PPARG: variants seen among roughly 807,000 people sequenced by gnomAD.
PPARG encodes peroxisome proliferator-activated receptor gamma.
In PPARG, 17 loss-of-function variants were observed where a neutral mutation model predicts 39.2. The ratio of observed to expected loss-of-function variants is 0.43; its 90% confidence interval spans 0.30 to 0.65. The LOEUF is 0.65. Ranked by LOEUF, PPARG falls within the 30% of genes least tolerant of loss-of-function variation. The pLI is 0.13. For missense variants in PPARG, 406 were observed against 585.9 expected (o/e 0.69, Z 3.17); for synonymous variants, 223 against 215.7 (o/e 1.03, Z -0.30).
At chr3:12,346,853 C>G (rs1008516442) in intron 2 of PPARG, among the ~76,000 whole-genome samples, 7 of 151,926 alleles carry the variant, frequency 4.6e-5, no homozygotes, top group Non-Finnish European at 1.0e-4. Context: ...CCAGGCTGGT[C>G]TCCAACTCCT....
chr3:12,326,182 C>G (rs1324194287), intron 2 of PPARG, among the ~76,000 whole-genome samples: 1 of 152,098 alleles, frequency 6.6e-6, no homozygotes, highest in South Asian at 2.1e-4. Context: ...GCTACTCCAC[C>G]CCCTACCCCC....
intron 2 of PPARG, among the ~76,000 whole-genome samples, chr3:12,324,188 A>C (rs949057651): frequency 6.6e-6 from 1 of 152,132 alleles, no homozygotes; most frequent in Non-Finnish European, 1.5e-5. Flanking sequence ...CTGAGGCAGG[A>C]AAATCTCTTG....
chr3:12,368,189 TG>T (rs67404123), intron 2 of PPARG, among the ~76,000 whole-genome samples: 4,037 of 144,206 alleles, frequency 0.028, 300 homozygotes, highest in African/African-American at 0.094. Context: ...TTTTCTTTTT[TG>T]TTTTTTTTTC....
intron 2 of PPARG, among the ~76,000 whole-genome samples, chr3:12,366,388 A>G (rs1286148135): frequency 6.6e-6 from 1 of 151,902 alleles, no homozygotes; most frequent in Non-Finnish European, 1.5e-5. Context: ...TCATTTGCAA[A>G]CAAAGACAGT....
chr3:12,340,983 G>T (rs1234925221), intron 2 of PPARG, among the ~76,000 whole-genome samples: 4 of 152,084 alleles, frequency 2.6e-5, no homozygotes, highest in Non-Finnish European at 5.9e-5. Flanking sequence ...AGGAGTTCAA[G>T]ACCAGTCTGG....
intron 2 of PPARG, among the ~76,000 whole-genome samples, chr3:12,368,342 C>T (rs139800853): frequency 1.9e-4 from 29 of 151,866 alleles, no homozygotes; most frequent in East Asian, 7.7e-4. Flanking sequence ...CCACCACGCC[C>T]GGCTAATTTT....
intron 6 of PPARG, among the ~76,000 whole-genome samples, chr3:12,413,598 C>T (rs1334638731): frequency 1.3e-5 from 2 of 151,776 alleles, no homozygotes; most frequent in African/African-American, 4.8e-5. Context: ...CACCTGAGGC[C>T]AGGAGTTCAA....
At chr3:12,321,364 G>T (rs2047539389) in intron 2 of PPARG, among the ~76,000 whole-genome samples, 1 of 152,138 alleles carries the variant, frequency 6.6e-6, no homozygotes, top group South Asian at 2.1e-4. Flanking sequence ...TGGAATAAAA[G>T]TAATAGCAAC....
intron 3 of PPARG, 78 bp from the exon 4 acceptor site, chr3:12,381,244 A>G: frequency 7.5e-7 from 1 of 1,341,642 alleles, no homozygotes. Flanking sequence ...ATGAAGGTGT[A>G]CTATGGTGGC....
At chr3:12,401,935 T>A (rs2050490796) in intron 5 of PPARG, among the ~76,000 whole-genome samples, 1 of 152,208 alleles carries the variant, frequency 6.6e-6, no homozygotes, top group Admixed American at 6.5e-5. Context: ...ATATCCTAAT[T>A]CTAAAATGGT....
In PPARG at chr3:12,326,102, C is replaced by A. The variant is rs1003632120; in HGVS notation, c.-9+13649C>A. On this transcript the variant is annotated intron_variant, in intron 2 of 7. Transcript: ENST00000651735. ...GCTTCCTATCTTAAACACATGATTT[C>A]ACTTGTCTTCTGGCTAGCTAAAGGT... 3.9e-5 allele frequency among the ~76,000 whole-genome samples: 6 copies of A among 152,184 alleles called. No homozygotes were observed. The East Asian group carries it at 7.7e-4, about 19-fold the overall frequency.
intron 2 of PPARG, among the ~76,000 whole-genome samples, chr3:12,375,852 A>G (rs372331778): frequency 6.6e-6 from 1 of 152,152 alleles, no homozygotes; most frequent in Non-Finnish European, 1.5e-5. Context: ...GTACTTATTT[A>G]TGTAGATAGA....
At chr3:12,308,642 G>A (rs1243293671) in intron 1 of PPARG, among the ~76,000 whole-genome samples, 1 of 152,118 alleles carries the variant, frequency 6.6e-6, no homozygotes, top group African/African-American at 2.4e-5. Flanking sequence ...CATGCCCATG[G>A]TATCTGAGTA....
intron 2 of PPARG, among the ~76,000 whole-genome samples, chr3:12,367,971 C>A (rs981883902): frequency 2.6e-4 from 40 of 151,936 alleles, no homozygotes; most frequent in African/African-American, 9.4e-4. Flanking sequence ...GTGAGACCTT[C>A]TGGCTTATTA....
chr3:12,352,717 G>A (rs188522817), intron 2 of PPARG, among the ~76,000 whole-genome samples: 28 of 152,210 alleles, frequency 1.8e-4, no homozygotes, highest in African/African-American at 5.5e-4. Context: ...ATTAGTCACC[G>A]TTTTTAAAAT....
At chr3:12,325,994 A>G (rs764536252) in intron 2 of PPARG, among the ~76,000 whole-genome samples, 2 of 152,206 alleles carry the variant, frequency 1.3e-5, no homozygotes, top group African/African-American at 2.4e-5. Context: ...GATTTAGAAA[A>G]ACAGAAATCT....
intron 1 of PPARG, among the ~76,000 whole-genome samples, chr3:12,308,674 T>G (rs1187881304): frequency 5.9e-5 from 9 of 152,216 alleles, no homozygotes; most frequent in Non-Finnish European, 1.3e-4. Flanking sequence ...CTGTAATATT[T>G]GTGCTGCTTT....
intron 6 of PPARG, among the ~76,000 whole-genome samples, chr3:12,415,945 A>T (rs947189476): frequency 5.3e-5 from 8 of 152,324 alleles, no homozygotes; most frequent in Middle Eastern, 3.4e-3. Context: ...AGAAAAAAAA[A>T]TTTTTTTAAA....
At chr3:12,370,563 C>G (rs899217417) in intron 2 of PPARG, among the ~76,000 whole-genome samples, 4 of 152,136 alleles carry the variant, frequency 2.6e-5, no homozygotes, top group African/African-American at 7.2e-5. Flanking sequence ...TAGTCGCAAA[C>G]TTCAACATAG....
Sources: allele counts gnomAD v4.1 joint callset (sites outside exome capture counted in the v4.1 genomes callset), GRCh38; gene constraint gnomAD v4.1.1; transcripts MANE v1.5; gene names NCBI Gene and HGNC (gene_info 2026-07-23, HGNC 2026-07-21).